TCF12: variants seen among roughly 807,000 people sequenced by gnomAD.
The protein encoded by TCF12 is transcription factor 12.
A neutral mutation model predicts 86.0 loss-of-function variants in TCF12; 45 were observed. That is an observed-to-expected ratio of 0.52 (90% CI 0.41 to 0.67). The LOEUF (loss-of-function observed/expected upper bound fraction) is 0.67. TCF12 is among the 30% of genes least tolerant of loss of function. The pLI, the probability that TCF12 is intolerant of heterozygous loss-of-function variation, is 0.00. For synonymous variants in TCF12, 330 were observed against 299.6 expected (o/e 1.10, Z -1.05); for missense variants, 881 against 859.9 (o/e 1.02, Z -0.31).
Position 57,192,204 on chromosome 15 carries a change from T to C in TCF12, c.437T>C (p.Leu146Pro). 2 of 1,614,128 alleles carry C rather than the reference T, an allele frequency of 1.2e-6. No individual in the cohort carries two copies. Among genetic ancestry groups the C allele is most frequent in the African/African-American group, 1.3e-5 (1 of 75,034 alleles). ...QDLGLGSPAQ[L>P]SSSGKPGTAY... ...CTGGGGCTTGGGAGCCCAGCACAGC[T>C]ATCTTCTTCAGGAAAACCTGGGACA... The change falls in exon 7 of 21, where the codon CTA (leucine) becomes CCA (proline). Residue 146 changes from leucine to proline, a missense_variant. This residue lies in a region of TCF12 where 766 missense variants were observed against 718.9 expected (regional missense o/e 1.07). Coordinates refer to ENST00000333725, the MANE Select transcript of TCF12 (RefSeq NM_207037.2).
At chr15:57,165,164 G>GTA (rs57965949) in intron 5 of TCF12, among the ~76,000 whole-genome samples, 1,790 of 127,374 alleles carry the variant, frequency 0.014, 38 homozygotes, top group African/African-American at 0.045. Flanking sequence ...GTGTGTGTGT[G>GTA]CGTACACGAG....
chr15:57,202,617 A>G lies in TCF12; in HGVS notation c.579+4792A>G, dbSNP rs1431228589. Among the ~76,000 whole-genome samples the G allele has an allele frequency of 2.6e-5, 4 of 151,694 alleles. No individual in the cohort carries two copies. In the East Asian group the frequency reaches 7.8e-4, roughly 29 times the overall value. ...CACCCGGCTAATTTTTCGTATTTTT[A>G]GTAGAGATGGGGTTTCACCGCTATA... On this transcript the variant is annotated intron_variant, in intron 8 of 20. Transcript: ENST00000333725.
intron 3 of TCF12, among the ~76,000 whole-genome samples, chr15:56,954,559 A>G (rs753335003): frequency 6.6e-6 from 1 of 152,224 alleles, no homozygotes; most frequent in Non-Finnish European, 1.5e-5. Context: ...ACAAAAGCCA[A>G]AGTAGACAAA....
chr15:57,196,001 C>G lies in TCF12; in HGVS notation c.527-1772C>G, dbSNP rs184460804. Among the ~76,000 whole-genome samples the G allele has an allele frequency of 1.4e-3, 213 of 152,184 alleles. 4 individuals carry two copies. In the East Asian group the frequency reaches 0.027, roughly 19 times the overall value. On this transcript the variant is annotated intron_variant, in intron 7 of 20. Transcript: ENST00000333725. ...CCTGGCCAACAGAGCAAGAACCTGT[C>G]TCTGAAAAATAAATGGGTTAAACTG...
At chr15:57,136,605 A>C (rs1366277778) in intron 5 of TCF12, among the ~76,000 whole-genome samples, 1 of 152,234 alleles carries the variant, frequency 6.6e-6, no homozygotes, top group Non-Finnish European at 1.5e-5. Flanking sequence ...CCCTCAAAGA[A>C]ACAATAAAAT....
intron 3 of TCF12, among the ~76,000 whole-genome samples, chr15:57,029,333 A>G (rs1435402733): frequency 6.6e-6 from 1 of 151,920 alleles, no homozygotes; most frequent in African/African-American, 2.4e-5. Context: ...CATTATGTCT[A>G]TTGTAATTTA....
At chr15:56,971,091 A>G (rs1442844000) in intron 3 of TCF12, among the ~76,000 whole-genome samples, 1 of 152,126 alleles carries the variant, frequency 6.6e-6, no homozygotes, top group Non-Finnish European at 1.5e-5. Context: ...CATTTATCAC[A>G]GAAATAAGGG....
At chr15:57,197,152 C>T (rs115077752) in intron 7 of TCF12, among the ~76,000 whole-genome samples, 54 of 87,230 alleles carry the variant, frequency 6.2e-4, no homozygotes, top group Admixed American at 8.3e-4. Context: ...AGAACAGCTT[C>T]TTTTTTTTTT....
At chr15:57,007,814 C>CTT (rs1238701741) in intron 3 of TCF12, among the ~76,000 whole-genome samples, 1 of 133,758 alleles carries the variant, frequency 7.5e-6, no homozygotes, top group South Asian at 2.4e-4. Context: ...TTCTTTCTTT[C>CTT]TTTCTTTTTC....
At chr15:57,042,484 G>T (rs1704007922) in intron 3 of TCF12, among the ~76,000 whole-genome samples, 1 of 152,268 alleles carries the variant, frequency 6.6e-6, no homozygotes, top group Non-Finnish European at 1.5e-5. Flanking sequence ...CACAGTCATT[G>T]CTCACTGTGA....
intron 6 of TCF12, among the ~76,000 whole-genome samples, chr15:57,173,853 GC>G (rs1213116010): frequency 6.6e-6 from 1 of 151,742 alleles, no homozygotes; most frequent in Non-Finnish European, 1.5e-5. Flanking sequence ...GACTACAGGT[GC>G]CCGCCACCAC....
At position 57,044,017 on chromosome 15, in the gene TCF12, TAA is replaced by T. The variant is rs1225800368; in HGVS notation, c.149-19730_149-19729del. Among the ~76,000 whole-genome samples the T allele has an allele frequency of 3.3e-5, 5 of 151,964 alleles. No homozygotes were observed. The East Asian group carries it at 9.6e-4, about 29-fold the overall frequency. ...TTTTAATTAAAAAAAGCTTAACAGA[TAA>T]AAGAGAAAAAGTAGTACAGTTTTTA... On this transcript the variant is annotated intron_variant, in intron 3 of 20. Transcript: ENST00000333725.
chr15:57,173,259 A>G (rs1486508766), intron 6 of TCF12, among the ~76,000 whole-genome samples: 1 of 152,232 alleles, frequency 6.6e-6, no homozygotes, highest in African/African-American at 2.4e-5. Context: ...CATCTAAACC[A>G]GTGCCTTGAA....
intron 3 of TCF12, among the ~76,000 whole-genome samples, chr15:57,030,539 T>C (rs1477037303): frequency 6.6e-6 from 1 of 152,202 alleles, no homozygotes; most frequent in African/African-American, 2.4e-5. Flanking sequence ...GCCTTTTTTA[T>C]TTTTAATAAA....
At chr15:56,955,049 G>T (rs1244552311) in intron 3 of TCF12, among the ~76,000 whole-genome samples, 1 of 152,086 alleles carries the variant, frequency 6.6e-6, no homozygotes, top group Non-Finnish European at 1.5e-5. Flanking sequence ...TCCCATTACT[G>T]GGTATATACC....
chr15:57,233,006 ATGTG>A, intron 11 of TCF12, 150 bp downstream of exon 11: 6 of 410,114 alleles, frequency 1.5e-5, no homozygotes, highest in Non-Finnish European at 2.1e-5. Context: ...ATATGTATAT[ATGTG>A]TTATATATGT....
chr15:57,147,384 A>G (rs2053430220), intron 5 of TCF12, among the ~76,000 whole-genome samples: 1 of 152,184 alleles, frequency 6.6e-6, no homozygotes, highest in South Asian at 2.1e-4. Context: ...TGGGAACTCT[A>G]AACCTATATC....
At chr15:56,928,190 A>G (rs1476696708) in intron 3 of TCF12, among the ~76,000 whole-genome samples, 1 of 152,172 alleles carries the variant, frequency 6.6e-6, no homozygotes, top group Non-Finnish European at 1.5e-5. Flanking sequence ...TACTTTTTTC[A>G]TTTGTGAAAA....
At chr15:57,254,922 T>C (rs2060281860) in intron 16 of TCF12, among the ~76,000 whole-genome samples, 1 of 151,030 alleles carries the variant, frequency 6.6e-6, no homozygotes, top group Non-Finnish European at 1.5e-5. Flanking sequence ...TCACTGCTGG[T>C]AATAGTAATG....
Sources: allele counts gnomAD v4.1 joint callset (sites outside exome capture counted in the v4.1 genomes callset), GRCh38; gene constraint gnomAD v4.1.1; regional missense constraint gnomAD v4.1.1; transcripts MANE v1.5; gene names NCBI Gene and HGNC (gene_info 2026-07-23, HGNC 2026-07-21).